Variants in SDCCAG8 observed in about 807,000 individuals in gnomAD.
SDCCAG8 encodes the protein serologically defined colon cancer antigen 8.
In SDCCAG8, 74 loss-of-function variants were observed where a neutral mutation model predicts 101.8. That is an observed-to-expected ratio of 0.73 (90% CI 0.60 to 0.88). The LOEUF (loss-of-function observed/expected upper bound fraction) is 0.88. Ranked by LOEUF, SDCCAG8 falls within the 40% of genes least tolerant of loss-of-function variation. The pLI, the probability that SDCCAG8 is intolerant of heterozygous loss-of-function variation, is 0.00. For missense variants in SDCCAG8, 787 were observed against 822.6 expected, an observed-to-expected ratio of 0.96 and a Z score of 0.53; for synonymous variants, 281 against 292.9, an observed-to-expected ratio of 0.96 and a Z score of 0.41.
At chr1:243,314,290 G>C (rs1309573450) in intron 8 of SDCCAG8, among the ~76,000 whole-genome samples, 1 of 152,228 alleles carries the variant, frequency 6.6e-6, no homozygotes, top group Non-Finnish European at 1.5e-5. Flanking sequence ...ACTGTTGAAT[G>C]ATGGGCCTAA....
chr1:243,403,126 G>A (rs1367989482), intron 13 of SDCCAG8, among the ~76,000 whole-genome samples: 1 of 152,194 alleles, frequency 6.6e-6, no homozygotes, highest in African/African-American at 2.4e-5. Context: ...GTTGCCGGTT[G>A]CCTCATGTGG....
chr1:243,497,670 G>T (rs115046103), intron 17 of SDCCAG8, among the ~76,000 whole-genome samples: 1 of 152,132 alleles, frequency 6.6e-6, no homozygotes, highest in Admixed American at 6.5e-5. Context: ...AAAAAATTCC[G>T]CAACACATTT....
chr1:243,263,578 T>C (rs2067353851), intron 1 of SDCCAG8, among the ~76,000 whole-genome samples: 1 of 152,216 alleles, frequency 6.6e-6, no homozygotes, highest in Non-Finnish European at 1.5e-5. Context: ...AAATACCAGG[T>C]GTATCCCTTA....
chr1:243,370,294 G>A (rs1461938470), intron 12 of SDCCAG8, among the ~76,000 whole-genome samples: 1 of 152,064 alleles, frequency 6.6e-6, no homozygotes, highest in East Asian at 1.9e-4. Context: ...ATTAGGGGCA[G>A]AAAAGGCCCT....
chr1:243,267,746 T>C, intron 1 of SDCCAG8: 1 of 802,198 alleles, frequency 1.2e-6, no homozygotes, highest in Non-Finnish European at 2.3e-6. Context: ...TCTTGGATCC[T>C]TGGCGATCCT....
At chr1:243,309,244 A>G (rs1256081616) in intron 8 of SDCCAG8, among the ~76,000 whole-genome samples, 2 of 152,186 alleles carry the variant, frequency 1.3e-5, no homozygotes, top group Non-Finnish European at 2.9e-5. Flanking sequence ...CTGCCAACTT[A>G]CCATGGAACC....
intron 13 of SDCCAG8, among the ~76,000 whole-genome samples, chr1:243,414,953 A>C (rs185795329): frequency 6.6e-6 from 1 of 151,402 alleles, no homozygotes; most frequent in African/African-American, 2.4e-5. Flanking sequence ...CCCAGGTTCT[A>C]ATTGTTTAGG....
intron 15 of SDCCAG8, among the ~76,000 whole-genome samples, chr1:243,423,139 A>G (rs1230781848): frequency 6.6e-6 from 1 of 152,176 alleles, no homozygotes; most frequent in Non-Finnish European, 1.5e-5. Flanking sequence ...TTATAAACAA[A>G]GAAAAAAACA....
intron 16 of SDCCAG8, among the ~76,000 whole-genome samples, chr1:243,484,000 A>G (rs1378574771): frequency 6.6e-6 from 1 of 152,130 alleles, no homozygotes; most frequent in Non-Finnish European, 1.5e-5. Flanking sequence ...GCCTCCCAGC[A>G]GGTTTGGCCC....
chr1:243,490,288 C>T (rs1050405796), intron 17 of SDCCAG8, among the ~76,000 whole-genome samples: 1 of 152,348 alleles, frequency 6.6e-6, no homozygotes, highest in East Asian at 1.9e-4. Context: ...CCTCTACTGT[C>T]CCCATGCTTC....
intron 3 of SDCCAG8, among the ~76,000 whole-genome samples, chr1:243,273,330 AC>A (rs1572891190): frequency 6.6e-6 from 1 of 151,922 alleles, no homozygotes; most frequent in Non-Finnish European, 1.5e-5. Context: ...TAACTGGTTG[AC>A]CCTTGTTTTA....
At chr1:243,321,428 A>T (rs913808198) in intron 9 of SDCCAG8, among the ~76,000 whole-genome samples, 1 of 146,942 alleles carries the variant, frequency 6.8e-6, no homozygotes, top group Non-Finnish European at 1.5e-5. Flanking sequence ...TGCCACGCTT[A>T]TGTCCATGTG....
chr1:243,327,852 C>T (rs1415429361), intron 9 of SDCCAG8, among the ~76,000 whole-genome samples: 4 of 152,126 alleles, frequency 2.6e-5, no homozygotes, highest in Non-Finnish European at 5.9e-5. Flanking sequence ...CGGACATATA[C>T]GTTAAAATCA....
chr1:243,280,931 G>A (rs541669870), intron 4 of SDCCAG8, among the ~76,000 whole-genome samples: 1 of 152,316 alleles, frequency 6.6e-6, no homozygotes, highest in South Asian at 2.1e-4. Context: ...GTTGATTGAT[G>A]CTGTTGTTCA....
chr1:243,496,618 C>A (rs1667973537), intron 17 of SDCCAG8, among the ~76,000 whole-genome samples: 1 of 152,208 alleles, frequency 6.6e-6, no homozygotes. Flanking sequence ...AGTGCGAAGC[C>A]CGGGCAGGTC....
intron 1 of SDCCAG8, chr1:243,268,996 A>T (rs953791468): frequency 2.0e-5 from 3 of 152,240 alleles, no homozygotes; most frequent in African/African-American, 7.3e-5. Context: ...AGAGTGGGGC[A>T]GCGGGGTGCA....
rs74162272 is a variant in SDCCAG8, at chr1:243,294,506, C to CGAGAGAGA, written c.675+1300_675+1307dup. Among the ~76,000 whole-genome samples, 280 of 105,898 alleles carry CGAGAGAGA rather than the reference C, an allele frequency of 2.6e-3. 4 individuals are homozygous for CGAGAGAGA. The highest frequency in any genetic ancestry group is 7.0e-3 in the African/African-American group (218 of 31,184). The allele number at this position is 105,898 out of a possible 152,430, so 69.5% of individuals were successfully genotyped here. A position where few individuals can be genotyped will look rare whatever the true frequency, so the allele number is the denominator to read the frequency against. On this transcript the variant is annotated intron_variant, in intron 6 of 17. Transcript: ENST00000366541. ...GGGAGAGAGAGAGAGAGAGAAAGAG[C>CGAGAGAGA]GAGAGAGAGAGAGAGAGAGAACAAC...
chr1:243,383,143 C>T (rs1023467897), intron 13 of SDCCAG8, among the ~76,000 whole-genome samples: 10 of 151,898 alleles, frequency 6.6e-5, no homozygotes, highest in East Asian at 3.9e-4. Flanking sequence ...AGCCACCAGC[C>T]GATAAGACTG....
At chr1:243,309,508 G>T (rs1423773481) in intron 8 of SDCCAG8, among the ~76,000 whole-genome samples, 2 of 152,148 alleles carry the variant, frequency 1.3e-5, no homozygotes, top group South Asian at 4.1e-4. Flanking sequence ...TTGGGGGTGA[G>T]TTGCTGTTGT....
Sources: allele counts gnomAD v4.1 joint callset (sites outside exome capture counted in the v4.1 genomes callset), GRCh38; gene constraint gnomAD v4.1.1; transcripts MANE v1.5; gene names NCBI Gene and HGNC (gene_info 2026-07-23, HGNC 2026-07-21).